The following FBXL5 variants were observed in gnomAD, a reference collection of about 807,000 sequenced individuals.
FBXL5 encodes F-box and leucine rich repeat protein 5, also known as F-box/LRR-repeat protein 5.
A neutral mutation model predicts 78.3 loss-of-function variants in FBXL5; 26 were observed. The ratio of observed to expected loss-of-function variants is 0.33; its 90% confidence interval spans 0.24 to 0.46. The LOEUF is 0.46. Among genes scored for constraint, FBXL5 ranks in the 20% least tolerant of loss-of-function variants. The pLI is 1.00. For missense variants in FBXL5, 710 were observed against 829.2 expected, an observed-to-expected ratio of 0.86 and a Z score of 1.77; for synonymous variants, 295 against 282.5, an observed-to-expected ratio of 1.04 and a Z score of -0.45.
intron 1 of FBXL5, among the ~76,000 whole-genome samples, chr4:15,653,301 T>C (rs1716361590): frequency 6.6e-6 from 1 of 152,208 alleles, no homozygotes; most frequent in Admixed American, 6.5e-5. Flanking sequence ...GAAAAGACTC[T>C]TGGCTCAGAT....
intron 2 of FBXL5, among the ~76,000 whole-genome samples, chr4:15,642,472 G>A (rs537867604): frequency 1.3e-5 from 2 of 152,182 alleles, no homozygotes; most frequent in East Asian, 1.9e-4. Flanking sequence ...CTGACCTCAA[G>A]TGATCTGCCC....
At chr4:15,659,768 C>T (rs1285588761), upstream of FBXL5, 2 of 983,340 alleles carry the variant, frequency 2.0e-6, no homozygotes, top group Non-Finnish European at 1.2e-6. Flanking sequence ...CAAGTGAACA[C>T]CAAAATCTTG....
intron 1 of FBXL5, among the ~76,000 whole-genome samples, chr4:15,673,874 TC>T (rs1248040480): frequency 6.6e-6 from 1 of 152,226 alleles, no homozygotes; most frequent in South Asian, 2.1e-4. Flanking sequence ...TTAGAAATTC[TC>T]CCAAGGCAAT....
At chr4:15,611,553 G>C (rs1006432786) in intron 10 of FBXL5, among the ~76,000 whole-genome samples, 1 of 152,068 alleles carries the variant, frequency 6.6e-6, no homozygotes, top group East Asian at 1.9e-4. Context: ...GTCTCTACCA[G>C]TGACTATCAA....
At chr4:15,645,489 A>G (rs1192068188) in intron 1 of FBXL5, among the ~76,000 whole-genome samples, 1 of 152,022 alleles carries the variant, frequency 6.6e-6, no homozygotes, top group Non-Finnish European at 1.5e-5. Flanking sequence ...GTGCAGGGGC[A>G]TGATCTCAGC....
intron 1 of FBXL5, among the ~76,000 whole-genome samples, chr4:15,650,003 T>C (rs1026233961): frequency 2.6e-5 from 4 of 152,100 alleles, no homozygotes; most frequent in African/African-American, 7.2e-5. Context: ...AGAGAGTAAA[T>C]TGTCAGAAAG....
intron 1 of FBXL5, among the ~76,000 whole-genome samples, chr4:15,647,976 G>C (rs947517579): frequency 3.9e-5 from 6 of 152,132 alleles, no homozygotes; most frequent in Non-Finnish European, 2.9e-5. Flanking sequence ...GCTGGCCTCA[G>C]CCTTCCGAAT....
intron 1 of FBXL5, among the ~76,000 whole-genome samples, chr4:15,646,606 T>C (rs2148678890): frequency 6.6e-6 from 1 of 152,258 alleles, no homozygotes; most frequent in Non-Finnish European, 1.5e-5. Context: ...GCAGGTTTGT[T>C]ACATATGTAT....
chr4:15,659,760 A>G (rs771418911), upstream of FBXL5: 16 of 984,366 alleles, frequency 1.6e-5, no homozygotes, highest in Non-Finnish European at 1.8e-5. Flanking sequence ...AATATTGCCA[A>G]GTGAACACCA....
chr4:15,624,010 G>C (rs540206678), intron 9 of FBXL5, among the ~76,000 whole-genome samples: 1 of 151,750 alleles, frequency 6.6e-6, no homozygotes, highest in Non-Finnish European at 1.5e-5. Context: ...ATTTTTAGTA[G>C]AGATGGGGTT....
At chr4:15,622,505 G>C (rs1323434189) in intron 9 of FBXL5, among the ~76,000 whole-genome samples, 1 of 152,114 alleles carries the variant, frequency 6.6e-6, no homozygotes, top group Non-Finnish European at 1.5e-5. Context: ...TTTCAAAGAA[G>C]CCTTTCCTGG....
chr4:15,643,112 A>G (rs1178029217), intron 2 of FBXL5, among the ~76,000 whole-genome samples: 6 of 152,226 alleles, frequency 3.9e-5, no homozygotes, highest in African/African-American at 1.4e-4. Flanking sequence ...TTCAATAAAA[A>G]AGTAAATCTC....
chr4:15,665,958 T>A (rs1285107048), intron 1 of FBXL5, among the ~76,000 whole-genome samples: 1 of 151,972 alleles, frequency 6.6e-6, no homozygotes, highest in African/African-American at 2.4e-5. Flanking sequence ...GGAAGCTGAA[T>A]CACTTCCTTG....
At chr4:15,608,228 T>C (rs1271459493) in intron 10 of FBXL5, among the ~76,000 whole-genome samples, 2 of 151,908 alleles carry the variant, frequency 1.3e-5, no homozygotes, top group Non-Finnish European at 2.9e-5. Flanking sequence ...GGAAGTGAAG[T>C]ATGCAATTGG....
chr4:15,617,223 C>G (rs1008497500), intron 9 of FBXL5, among the ~76,000 whole-genome samples: 1 of 152,132 alleles, frequency 6.6e-6, no homozygotes, highest in African/African-American at 2.4e-5. Context: ...CCTAAATACC[C>G]ATAAGTCATA....
At chr4:15,610,784 C>CTTTA (rs1722199545) in intron 10 of FBXL5, among the ~76,000 whole-genome samples, 1 of 151,950 alleles carries the variant, frequency 6.6e-6, no homozygotes, top group African/African-American at 2.4e-5. Flanking sequence ...CAAAGCATAA[C>CTTTA]CTATGCTGAA....
At chr4:15,625,188 T>G (rs1400861558) in intron 9 of FBXL5, 64 bp downstream of exon 9, 1 of 1,496,044 alleles carries the variant, frequency 6.7e-7, no homozygotes, top group South Asian at 1.4e-5. Flanking sequence ...AGATCAAAAT[T>G]TTTATATTCC....
rs866428605 is a variant in FBXL5 at position 15,680,848 on chromosome 4, A to T, written c.-284+535T>A. ...AACATGTTTCCCTGTTTAAGGTAGA[A>T]TTTAAAAAAAAACTATATATGACAT... On this transcript the variant is annotated intron_variant, in intron 1 of 4. Transcript: ENST00000507899. Among the ~76,000 whole-genome samples, 17 of 151,018 alleles carry T rather than the reference A, an allele frequency of 1.1e-4. No individual in the cohort carries two copies. The South Asian group carries it at 1.5e-3, about 13-fold the overall frequency.
chr4:15,625,584 T>A lies in FBXL5; in HGVS notation c.1518A>T (p.Val506=). The A allele has an allele frequency of 6.2e-7, 1 of 1,614,238 alleles. No homozygotes were observed. Among genetic ancestry groups the A allele is most frequent in the Non-Finnish European group, 8.5e-7 (1 of 1,180,046 alleles). Residue 506 remains valine (V), a synonymous_variant, in exon 9 of 11, where the codon GTA becomes GTT. Coordinates refer to ENST00000341285, the MANE Select transcript of FBXL5 (RefSeq NM_012161.4). Reference sequence around the variant, plus strand: ...AACTAAAGTTGGATGCTGTTTCCATTACACAAAGACTTTCAACATTTCTAT... The same window carrying A: ...AACTAAAGTTGGATGCTGTTTCCATAACACAAAGACTTTCAACATTTCTAT... ...WRHRNVESLC[V]METASNFSCS...
Sources: gnomAD v4.1 joint callset for allele counts (sites outside exome capture counted in the v4.1 genomes callset) on GRCh38, gnomAD v4.1.1 for gene constraint, MANE v1.5 for transcripts, NCBI Gene and HGNC (gene_info 2026-07-23, HGNC 2026-07-21) for gene names.